MYO10: variants seen among roughly 807,000 people sequenced by gnomAD.
MYO10 encodes myosin X, also known as unconventional myosin-X.
A neutral mutation model predicts 257.3 loss-of-function variants in MYO10; 133 were observed. The observed-to-expected ratio is 0.52, with a 90% CI of 0.45 to 0.60. MYO10 has a LOEUF of 0.60. MYO10 is among the 20% of genes least tolerant of loss of function. MYO10 has a pLI of 0.00. For missense variants in MYO10, 2,399 were observed against 2,635.7 expected, an observed-to-expected ratio of 0.91 and a Z score of 1.97; for synonymous variants, 1,104 against 1,028.6, an observed-to-expected ratio of 1.07 and a Z score of -1.40.
rs200132051 is a variant in MYO10, at chr5:16,694,503, C to G, written c.3668G>C (p.Gly1223Ala). 5.8e-5 allele frequency: 94 copies of G among 1,613,920 alleles called. No homozygotes were observed. Among genetic ancestry groups the G allele is most frequent in the Middle Eastern group, 1.6e-4 (1 of 6,084 alleles). Residue 1223 changes from glycine to alanine, a missense_variant, in exon 27 of 41, where the codon GGG becomes GCG. Transcript: ENST00000513610. The stretch of plus-strand genomic sequence containing the variant: ...CCTGGACAGCGTGGAGGAGCCCCCC[C>G]CTTTTTTGTGGAGCCAGCCTTGCTT... ...ALKQGWLHKK[G>A]GGSSTLSRRN...
At chr5:16,698,623 G>GTTTGTTTTT (rs1737873320) in intron 26 of MYO10, among the ~76,000 whole-genome samples, 1 of 113,860 alleles carries the variant, frequency 8.8e-6, no homozygotes, top group African/African-American at 3.8e-5. Flanking sequence ...AGAACATGCA[G>GTTTGTTTTT]TTTTTTTTTT....
At chr5:16,716,452 T>C in intron 19 of MYO10, among the ~76,000 whole-genome samples, 1 of 134,716 alleles carries the variant, frequency 7.4e-6, no homozygotes, top group Admixed American at 7.6e-5. Flanking sequence ...ATGAATCCAA[T>C]TGCCCTGAAC....
intron 2 of MYO10, among the ~76,000 whole-genome samples, chr5:16,844,123 G>A (rs559504328): frequency 7.2e-5 from 11 of 152,268 alleles, no homozygotes; most frequent in African/African-American, 2.6e-4. Context: ...ATAAAATTGG[G>A]AGACTCTGTT....
rs762298664 is a variant in MYO10 at position 16,701,353 on chromosome 5, G to A, written c.3042C>T (p.Gly1014=). 6.2e-7 allele frequency: 1 copy of A among 1,613,976 alleles called. No homozygotes were observed. The highest frequency in any genetic ancestry group is 1.7e-5 in the Admixed American group (1 of 60,028). Residue 1014 remains glycine (G), a synonymous_variant, in exon 25 of 41, where the codon GGC becomes GGT. Coordinates refer to ENST00000513610, the MANE Select transcript of MYO10 (RefSeq NM_012334.3). This position sits in a 1 kb window ranked among gnomAD's most constrained non-coding sequence, Gnocchi z 8.1. The stretch of plus-strand genomic sequence containing the variant: ...TGCCACTTGTTCGCTGGTCTGAGTG[G>A]CCGTGCTCGCTGGGGTTGGGGGAGT... The part of the protein sequence containing the change: ...FKDSPNPSEH[G]HSDQRTSGIR...
At chr5:16,713,356 C>T (rs31299) in intron 19 of MYO10, 783,641 of 985,386 alleles carry the variant, frequency 0.8, 312,907 homozygotes, top group East Asian at 0.81. Flanking sequence ...CAAGGGGCAT[C>T]TCACCTTCAG....
rs975886902 is a variant in MYO10, at chr5:16,902,652, T to C, written c.22-24945A>G. On this transcript the variant is annotated intron_variant, in intron 1 of 40. Transcript: ENST00000513610. ...TCTTTTCTTTGTCATCTTGGAAGCATGGACCGGAGAGAGGCCCGGCTAATT... is the reference window on the plus strand; with the variant it reads ...TCTTTTCTTTGTCATCTTGGAAGCACGGACCGGAGAGAGGCCCGGCTAATT... The C allele has an allele frequency of 6.0e-6, 8 of 1,329,690 alleles. No individual in the cohort carries two copies. In the African/African-American group the frequency reaches 8.6e-5, roughly 14 times the overall value. 82.4% of individuals were successfully genotyped at this position (1,329,690 alleles called of 1,614,324 possible).
At position 16,807,133 on chromosome 5, in the gene MYO10, C is replaced by G. The variant is rs115136984; in HGVS notation, c.279+10876G>C. On this transcript the variant is annotated intron_variant, in intron 3 of 40. Transcript: ENST00000513610. ...ATTTATTTCGTACTCACCATCCCCC[C>G]GTTTCCTTCTCTCTCAAACACCTCG... Among the ~76,000 whole-genome samples the G allele has an allele frequency of 2.4e-3, 369 of 152,252 alleles. 1 individual carries two copies. Among genetic ancestry groups the G allele is most frequent in the African/African-American group, 8.5e-3 (355 of 41,548 alleles).
intron 2 of MYO10, among the ~76,000 whole-genome samples, chr5:16,845,610 C>T (rs189802581): frequency 4.5e-4 from 69 of 152,234 alleles, no homozygotes; most frequent in African/African-American, 1.5e-3. Flanking sequence ...CATGGCACCA[C>T]TGTACTCCAG....
At chr5:16,732,698 G>T (rs1739633526) in intron 19 of MYO10, among the ~76,000 whole-genome samples, 1 of 152,128 alleles carries the variant, frequency 6.6e-6, no homozygotes, top group Non-Finnish European at 1.5e-5. Context: ...GACTGAGCAA[G>T]AAAAAGAAGG....
At chr5:16,884,356 C>T (rs576228051) in intron 1 of MYO10, among the ~76,000 whole-genome samples, 2 of 152,122 alleles carry the variant, frequency 1.3e-5, no homozygotes, top group South Asian at 4.2e-4. Context: ...GATTGCACCA[C>T]CTCACTCCAG....
At chr5:16,779,677 A>G (rs1432636179) in intron 8 of MYO10, 29 bp from the exon 9 acceptor site, 2 of 1,310,568 alleles carry the variant, frequency 1.5e-6, no homozygotes, top group Admixed American at 4.0e-5. Flanking sequence ...ATGATGTCAC[A>G]GTTCTCCAGG....
chr5:16,819,056 G>C (rs1380764972), intron 2 of MYO10, among the ~76,000 whole-genome samples: 1 of 152,034 alleles, frequency 6.6e-6, no homozygotes, highest in Non-Finnish European at 1.5e-5. Context: ...TGATTAAATA[G>C]TCTATATATC....
intron 26 of MYO10, 144 bp from the exon 27 acceptor site, chr5:16,694,758 G>A: frequency 1.9e-6 from 2 of 1,068,850 alleles, no homozygotes; most frequent in South Asian, 1.5e-5. Context: ...TCAGTGAGGA[G>A]TGGCACTGCT....
chr5:16,904,884 A>C (rs959770028), intron 1 of MYO10, among the ~76,000 whole-genome samples: 1 of 151,632 alleles, frequency 6.6e-6, no homozygotes, highest in Non-Finnish European at 1.5e-5. Context: ...AGCCGAGATC[A>C]CACCACTGCA....
At chr5:16,738,208 C>A in intron 19 of MYO10, 1 of 985,330 alleles carries the variant, frequency 1.0e-6, no homozygotes, top group Non-Finnish European at 1.2e-6. Flanking sequence ...GGGGCAGAAC[C>A]CGAGGCCATG....
chr5:16,878,393 T>A (rs1744663609), intron 1 of MYO10, among the ~76,000 whole-genome samples: 1 of 152,208 alleles, frequency 6.6e-6, no homozygotes, highest in Non-Finnish European at 1.5e-5. Context: ...ACTTCAAAGT[T>A]CAGGATTGTA....
intron 1 of MYO10, among the ~76,000 whole-genome samples, chr5:16,907,179 T>C (rs1745542079): frequency 6.6e-6 from 1 of 152,134 alleles, no homozygotes; most frequent in East Asian, 1.9e-4. Context: ...AACATCGCCA[T>C]TTCTGGTAGC....
chr5:16,893,196 C>CAAAAAAAAAAAAAAAAAAAAAAAAAAAA, intron 1 of MYO10, among the ~76,000 whole-genome samples: 1 of 69,614 alleles, frequency 1.4e-5, no homozygotes, highest in Non-Finnish European at 2.7e-5. Context: ...GACTCTGTCT[C>CAAAAAAAAAAAAAAAAAAAAAAAAAAAA]AAAAAAAAAA....
chr5:16,809,155 T>C lies in MYO10; in HGVS notation c.279+8854A>G, dbSNP rs541906187. 4.7e-5 allele frequency among the ~76,000 whole-genome samples: 7 copies of C among 150,136 alleles called. No individual in the cohort carries two copies. In the South Asian group the frequency reaches 1.6e-3, roughly 34 times the overall value. On this transcript the variant is annotated intron_variant, in intron 3 of 40. Transcript: ENST00000513610. Reference sequence around the variant, plus strand: ...ACAATCATCTTTTGGCTACGAGTCTTGATTTCATGTGGAAAAAAAAAAAAG... The same window carrying C: ...ACAATCATCTTTTGGCTACGAGTCTCGATTTCATGTGGAAAAAAAAAAAAG...
Sources: gnomAD v4.1 joint callset for allele counts (sites outside exome capture counted in the v4.1 genomes callset) on GRCh38, gnomAD v4.1.1 for gene constraint, Gnocchi (gnomAD v3.1) non-coding constraint, MANE v1.5 for transcripts, NCBI Gene and HGNC (gene_info 2026-07-23, HGNC 2026-07-21) for gene names.